The following OR51B5 variants were observed in gnomAD, a reference collection of about 807,000 sequenced individuals.
The protein encoded by OR51B5 is olfactory receptor family 51 subfamily B member 5.
For missense variants in OR51B5, 456 were observed against 374.6 expected (o/e 1.22, Z -1.79); for synonymous variants, 186 against 144.8 (o/e 1.28, Z -2.04).
rs1326134633 is a variant in OR51B5, at chr11:5,343,037, A to T, written c.488T>A (p.Phe163Tyr). 3 of 1,613,930 alleles carry T rather than the reference A, an allele frequency of 1.9e-6. No homozygotes were observed. ...AACATGGGAGTGACAATACAGAAAA[A>T]AATAGAGGGGCCTGATTGGGGGAAC... The change falls in exon 1 of 1, where the codon TTT becomes TAT. Residue 163 changes from phenylalanine to tyrosine, a missense_variant. Coordinates refer to ENST00000300773, the Ensembl canonical transcript of OR51B5.
intron 1 of OR51B5, among the ~76,000 whole-genome samples, chr11:5,442,675 T>G (rs1850708466): frequency 6.6e-6 from 1 of 152,218 alleles, no homozygotes; most frequent in South Asian, 2.1e-4. Flanking sequence ...ATTTGCCTGC[T>G]TCTCCAGCTT....
intron 1 of OR51B5, among the ~76,000 whole-genome samples, chr11:5,388,577 T>C (rs2736534): frequency 0.42 from 61,774 of 147,054 alleles, 13,260 homozygotes; most frequent in Middle Eastern, 0.45. Flanking sequence ...AAGAATTGTT[T>C]AGTGTCATTA....
At chr11:5,365,539 A>T (rs905748959) in intron 1 of OR51B5, among the ~76,000 whole-genome samples, 9 of 152,128 alleles carry the variant, frequency 5.9e-5, no homozygotes, top group Admixed American at 5.9e-4. Flanking sequence ...ACTACCTCGA[A>T]GTTTTTTCAC....
chr11:5,394,971 CAAAA>C (rs1158896856), intron 1 of OR51B5, among the ~76,000 whole-genome samples: 2 of 151,972 alleles, frequency 1.3e-5, no homozygotes, highest in Admixed American at 6.6e-5. Flanking sequence ...AAAAGAAAGA[CAAAA>C]AAGAGGATTG....
At chr11:5,501,599 C>T (rs1376362664) in intron 1 of OR51B5, among the ~76,000 whole-genome samples, 2 of 147,786 alleles carry the variant, frequency 1.4e-5, no homozygotes, top group Non-Finnish European at 3.0e-5. Context: ...AAGCGCCCAA[C>T]TTACCCTTAA....
At position 5,483,886 on chromosome 11, in the gene OR51B5, C is replaced by G. The variant is rs183743185; in HGVS notation, n.84+21683G>C. Among the ~76,000 whole-genome samples, 448 of 152,186 alleles carry G rather than the reference C, an allele frequency of 2.9e-3. 4 individuals are homozygous for G. The highest frequency in any genetic ancestry group is 0.01 in the African/African-American group (426 of 41,502). ...ATTAGCCCAGAAAACTGAGAAAGGA[C>G]AAGACATTTCAACACGAATTACACA... On this transcript the variant is annotated intron_variant and non_coding_transcript_variant, in intron 1 of 4. Coordinates refer to the OR51B5 transcript ENST00000415970.
chr11:5,369,564 CTATGA>C (rs1299412716), intron 1 of OR51B5, among the ~76,000 whole-genome samples: 1 of 151,940 alleles, frequency 6.6e-6, no homozygotes, highest in Admixed American at 6.6e-5. Context: ...CTAAATATGT[CTATGA>C]TATAATTTAA....
intron 1 of OR51B5, among the ~76,000 whole-genome samples, chr11:5,503,355 A>C (rs1446850991): frequency 2.0e-5 from 3 of 152,234 alleles, no homozygotes; most frequent in Non-Finnish European, 4.4e-5. Context: ...TCAAAATAAC[A>C]ATCAAAAAAT....
intron 1 of OR51B5, chr11:5,453,898 C>T: frequency 6.2e-7 from 1 of 1,614,208 alleles, no homozygotes; most frequent in South Asian, 1.1e-5. Context: ...ACTGTGCTCA[C>T]CACTGAAGTC....
At chr11:5,482,640 G>A (rs1452062603) in intron 1 of OR51B5, among the ~76,000 whole-genome samples, 2 of 114,556 alleles carry the variant, frequency 1.7e-5, no homozygotes, top group Admixed American at 1.9e-4. Context: ...AATCTACAAT[G>A]AACTCAAACA....
chr11:5,352,178 T>A (rs1564916458), intron 1 of OR51B5: 1 of 1,614,206 alleles, frequency 6.2e-7, no homozygotes, highest in Non-Finnish European at 8.5e-7. Context: ...AAGACTGTCA[T>A]GGGCATTGGT....
intron 1 of OR51B5, chr11:5,440,624 T>C (rs1414652671): frequency 1.2e-6 from 2 of 1,613,692 alleles, no homozygotes; most frequent in African/African-American, 2.7e-5. Flanking sequence ...TCTCCTTGGT[T>C]TTCACACTGT....
chr11:5,431,839 T>G (rs767582590), intron 1 of OR51B5, among the ~76,000 whole-genome samples: 1 of 152,248 alleles, frequency 6.6e-6, no homozygotes, highest in Admixed American at 6.5e-5. Context: ...GGAAAAGAGA[T>G]ATTTCAGACT....
At chr11:5,472,224 T>C (rs1590016850) in intron 1 of OR51B5, among the ~76,000 whole-genome samples, 1 of 152,010 alleles carries the variant, frequency 6.6e-6, no homozygotes. Flanking sequence ...GGGATGTGCA[T>C]GTGGGGAGAG....
chr11:5,382,544 T>G (rs1849625187), intron 1 of OR51B5, among the ~76,000 whole-genome samples: 1 of 152,222 alleles, frequency 6.6e-6, no homozygotes, highest in African/African-American at 2.4e-5. Context: ...ATACTGTCCT[T>G]GGCTAGGATC....
At chr11:5,423,249 A>C in intron 1 of OR51B5, 2 of 1,405,472 alleles carry the variant, frequency 1.4e-6, no homozygotes, top group East Asian at 2.5e-5. Context: ...AAACTTCATC[A>C]TAATATTAAG....
chr11:5,351,469 T>A (rs1428829556), intron 1 of OR51B5: 1 of 1,519,798 alleles, frequency 6.6e-7, no homozygotes, highest in Non-Finnish European at 8.9e-7. Flanking sequence ...TACTATTGCT[T>A]TACCTGGAGT....
chr11:5,489,237 G>C lies in OR51B5; in HGVS notation n.84+16332C>G. 6.2e-7 allele frequency: 1 copy of C among 1,613,948 alleles called. No individual in the cohort carries two copies. The highest frequency in any genetic ancestry group is 8.5e-7 in the Non-Finnish European group (1 of 1,179,958). ...TCCCCTACTGTGGTCACCGTGTCAT[G>C]ACACACACATACTGTGAGCATATGG... is the stretch of plus-strand genomic sequence containing the variant. On this transcript the variant is annotated intron_variant and non_coding_transcript_variant, in intron 1 of 4. Transcript: ENST00000415970.
At chr11:5,483,117 T>A (rs1466798822) in intron 1 of OR51B5, among the ~76,000 whole-genome samples, 5 of 150,150 alleles carry the variant, frequency 3.3e-5, no homozygotes, top group African/African-American at 4.9e-5. Flanking sequence ...CAAATGTCCA[T>A]CAATGATAGA....
Sources: gnomAD v4.1 joint callset for allele counts (sites outside exome capture counted in the v4.1 genomes callset) on GRCh38, gnomAD v4.1.1 for gene constraint, MANE v1.5 for transcripts, NCBI Gene and HGNC (gene_info 2026-07-23, HGNC 2026-07-21) for gene names.